Variants in INTS10 observed in about 807,000 individuals in gnomAD.
The protein encoded by INTS10 is chromosome 8 open reading frame 35.
Under a neutral mutation model 94.4 loss-of-function variants are expected in INTS10, and 44 were observed. The observed-to-expected ratio is 0.47, with a 90% CI of 0.37 to 0.60. The LOEUF is 0.60. INTS10 is among the 20% of genes least tolerant of loss of function. INTS10 has a pLI of 0.00. For missense variants in INTS10, 797 were observed against 868.7 expected (o/e 0.92, Z 1.04); for synonymous variants, 341 against 320.7 (o/e 1.06, Z -0.68).
At chr8:19,822,239 A>T (rs2066436001) in intron 4 of INTS10, 200 bp from the exon 5 acceptor site, 1 of 429,432 alleles carries the variant, frequency 2.3e-6, no homozygotes, top group South Asian at 4.0e-5. Context: ...GAGTGGTCAG[A>T]TGTTCAGGTG....
chr8:19,843,920 C>T lies in INTS10; in HGVS notation c.1720-156C>T, dbSNP rs2068348418. Among the ~76,000 whole-genome samples, 1 of 152,216 alleles carries T rather than the reference C, an allele frequency of 6.6e-6. No individual in the cohort carries two copies. Among genetic ancestry groups the T allele is most frequent in the Non-Finnish European group, 1.5e-5 (1 of 68,038 alleles). ...CTTAGAAGGCAGCTGTGATGTTTAC[C>T]AGCCATTTCGTTGTGCCTTTGTTTC... is the stretch of plus-strand genomic sequence containing the variant. On this transcript the variant is annotated intron_variant, in intron 14 of 16. Transcript: ENST00000397977. This position sits in a 1 kb window ranked among gnomAD's most constrained non-coding sequence, Gnocchi z 4.7.
intron 4 of INTS10, chr8:19,821,074 C>A (rs927907671): frequency 1.0e-4 from 15 of 149,344 alleles, no homozygotes; most frequent in African/African-American, 3.7e-4. Flanking sequence ...AGGTTTCAAA[C>A]CATTCACTCC....
rs771594414 is a variant in INTS10, at chr8:19,823,364, A to G, written c.587A>G (p.Tyr196Cys). The change falls in exon 6 of 17, where the codon TAT becomes TGT. Residue 196 changes from tyrosine to cysteine, a missense_variant. Transcript: ENST00000397977. The stretch of plus-strand genomic sequence containing the variant: ...GTTCGATTACCTGCCAATTTATTGT[A>G]TAAGTACTTGAACAAAGCAGCTGAA... The part of the protein sequence containing the change: ...HDVRLPANLL[Y>C]KYLNKAAEFY... 1.9e-6 allele frequency: 3 copies of G among 1,600,334 alleles called. No homozygotes were observed. Among genetic ancestry groups the G allele is most frequent in the African/African-American group, 1.3e-5 (1 of 74,630 alleles).
At chr8:19,833,745 C>G (rs1008791536) in intron 12 of INTS10, among the ~76,000 whole-genome samples, 1 of 152,140 alleles carries the variant, frequency 6.6e-6, no homozygotes, top group Non-Finnish European at 1.5e-5. Context: ...TGGTGGCTCA[C>G]ACCTATAATC....
chr8:19,818,432 T>G (rs1211024737), intron 2 of INTS10, 90 bp downstream of exon 2: 5 of 1,315,418 alleles, frequency 3.8e-6, no homozygotes, highest in African/African-American at 1.4e-5. Context: ...TGGGGGAAGA[T>G]CTTCAAGTTC....
chr8:19,845,783 A>G lies in INTS10; in HGVS notation c.1962A>G (p.Gln654=). 6.2e-7 allele frequency: 1 copy of G among 1,612,400 alleles called. No individual in the cohort carries two copies. Among genetic ancestry groups the G allele is most frequent in the Non-Finnish European group, 8.5e-7 (1 of 1,178,398 alleles). The part of the protein sequence containing the change: ...GKIHLELLPN[Q]GMLIKHHTVT... The stretch of plus-strand genomic sequence containing the variant: ...TTCATCTGGAATTACTACCCAATCA[A>G]GGAATGCTGATCAAGTAAGCATGTT... Residue 654 remains glutamine (Q), a synonymous_variant, in exon 16 of 17, where the codon CAA becomes CAG. Transcript: ENST00000397977.
Position 19,817,458 on chromosome 8 carries a change from C to G in INTS10, c.-80C>G, listed in dbSNP as rs986997187. On this transcript the variant is annotated 5_prime_UTR_variant, in exon 1 of 17. Transcript: ENST00000397977. ...TCCCCCGCGGTGGCGGCGGCGGCGG[C>G]GGTGGCTGCCGTGGCGGCTGAGAGT... 1 of 1,505,834 alleles carries G rather than the reference C, an allele frequency of 6.6e-7. No individual in the cohort carries two copies. Among genetic ancestry groups the G allele is most frequent in the Non-Finnish European group, 8.9e-7 (1 of 1,124,080 alleles). 93.3% of individuals were successfully genotyped at this position (1,505,834 alleles called of 1,614,324 possible).
At position 19,843,962 on chromosome 8, in the gene INTS10, C is replaced by T. The variant is rs189120886; in HGVS notation, c.1720-114C>T. On this transcript the variant is annotated intron_variant, in intron 14 of 16. Coordinates refer to ENST00000397977, the MANE Select transcript of INTS10 (RefSeq NM_018142.4). This position sits in a 1 kb window ranked among gnomAD's most constrained non-coding sequence, Gnocchi z 4.7. ...CTTTGTTTCCTTCTTACTCTAATGA[C>T]GTTTATCACACATTTGCATATACAG... is the stretch of plus-strand genomic sequence containing the variant. The T allele has an allele frequency of 2.6e-4, 192 of 728,634 alleles. 1 individual carries two copies. The African/African-American group carries it at 3.0e-3, about 11-fold the overall frequency. The allele number at this position is 728,634 out of a possible 1,614,324, so 45.1% of individuals were successfully genotyped here. A position where few individuals can be genotyped will look rare whatever the true frequency, so the allele number is the denominator to read the frequency against.
At chr8:19,838,970 G>C (rs1297152086) in intron 13 of INTS10, among the ~76,000 whole-genome samples, 1 of 152,116 alleles carries the variant, frequency 6.6e-6, no homozygotes, top group East Asian at 1.9e-4. Flanking sequence ...TACTCGGGAG[G>C]CTGAGGCAGG....
chr8:19,841,368 GA>G (rs1477858347), intron 13 of INTS10, among the ~76,000 whole-genome samples: 1 of 152,098 alleles, frequency 6.6e-6, no homozygotes, highest in Non-Finnish European at 1.5e-5. Flanking sequence ...CAATCAAAGT[GA>G]AAAGATAAGG....
intron 9 of INTS10, among the ~76,000 whole-genome samples, chr8:19,828,940 C>A (rs1326092333): frequency 1.3e-5 from 2 of 151,944 alleles, no homozygotes; most frequent in Non-Finnish European, 2.9e-5. Context: ...TGCAGCAGAA[C>A]AGTGGGGTAG....
At chr8:19,826,603 T>C (rs2066817022) in intron 9 of INTS10, 44 bp downstream of exon 9, 1 of 1,562,734 alleles carries the variant, frequency 6.4e-7, no homozygotes, top group South Asian at 1.2e-5. Flanking sequence ...GATGGGACGC[T>C]TTGCTAGAGA....
chr8:19,844,408 T>C (rs1024729822), intron 15 of INTS10, among the ~76,000 whole-genome samples, 170 bp downstream of exon 15: 3 of 152,222 alleles, frequency 2.0e-5, no homozygotes, highest in South Asian at 2.1e-4. Flanking sequence ...CTTCTGAAAG[T>C]CGTGAAAGAC....
chr8:19,830,579 T>C lies in INTS10; in HGVS notation c.1294+20T>C. The C allele has an allele frequency of 6.3e-7, 1 of 1,597,268 alleles. No homozygotes were observed. Among genetic ancestry groups the C allele is most frequent in the Non-Finnish European group, 8.5e-7 (1 of 1,171,802 alleles). The stretch of plus-strand genomic sequence containing the variant: ...ACAAAGGTAAGAAAGCGCATGTCAT[T>C]GGTGCTGTTTGATGTTTTATATAAA... On this transcript the variant is annotated intron_variant, in intron 10 of 16. Transcript: ENST00000397977.
rs770861656 is a variant in INTS10 at position 19,845,832 on chromosome 8, T to C, written c.1976+35T>C. 3.5e-6 allele frequency: 5 copies of C among 1,414,984 alleles called. No individual in the cohort carries two copies. In the South Asian group the frequency reaches 5.8e-5, roughly 16 times the overall value. 87.7% of individuals were successfully genotyped at this position (1,414,984 alleles called of 1,614,324 possible). A position where few individuals can be genotyped will look rare whatever the true frequency, so the allele number is the denominator to read the frequency against. On this transcript the variant is annotated intron_variant, in intron 16 of 16. Coordinates refer to ENST00000397977, the MANE Select transcript of INTS10 (RefSeq NM_018142.4). ...TTCTCTTTTGCTCTTCCATGCTGAG[T>C]GCTCACCTTTTGTGTCTTTGTATGA...
chr8:19,834,239 C>T (rs1379310336), intron 12 of INTS10, among the ~76,000 whole-genome samples: 2 of 152,138 alleles, frequency 1.3e-5, no homozygotes, highest in African/African-American at 4.8e-5. Context: ...ATAACACAAA[C>T]TGATTTCTTC....
chr8:19,841,967 T>A, intron 13 of INTS10: 1 of 308,470 alleles, frequency 3.2e-6, no homozygotes, highest in Middle Eastern at 6.0e-4. Context: ...TAAGTATGTG[T>A]GTACAGGATC....
chr8:19,824,995 G>C (rs1053350721), intron 8 of INTS10, 23 bp downstream of exon 8: 1 of 1,604,514 alleles, frequency 6.2e-7, no homozygotes. Flanking sequence ...ATTTTAGAGT[G>C]TCCAAAAAGC....
rs1189118607 is a variant in INTS10, at chr8:19,824,013, A to G, written c.805A>G (p.Arg269Gly). 3 of 1,611,740 alleles carry G rather than the reference A, an allele frequency of 1.9e-6. No homozygotes were observed. Among genetic ancestry groups the G allele is most frequent in the Non-Finnish European group, 2.5e-6 (3 of 1,179,356 alleles). ...TAAGATTTTGAATGTTGTTGGAATG[A>G]GATGTGAATGGCAGATGGATAAAGG... ...LFKILNVVGM[R>G]CEWQMDKGRR... Residue 269 changes from arginine (R) to glycine (G), a missense_variant, in exon 7 of 17, where the codon AGA becomes GGA. Around this residue, in one of 3 missense-constraint regions of INTS10, gnomAD observed 734 missense variants for 787.8 expected, o/e 0.93. Transcript: ENST00000397977.
Sources: gnomAD v4.1 joint callset for allele counts (sites outside exome capture counted in the v4.1 genomes callset) on GRCh38, gnomAD v4.1.1 for gene constraint, gnomAD v4.1.1 regional missense constraint, Gnocchi (gnomAD v3.1) non-coding constraint, MANE v1.5 for transcripts, NCBI Gene and HGNC (gene_info 2026-07-23, HGNC 2026-07-21) for gene names.